The following PRAG1 variants were observed in gnomAD, a reference collection of about 807,000 sequenced individuals.
PRAG1 encodes PEAK1 related, kinase-activating pseudokinase 1.
In PRAG1, 110 loss-of-function variants were observed where a neutral mutation model predicts 95.6. The ratio of observed to expected loss-of-function variants is 1.15; its 90% CI spans 0.99 to 1.35. The LOEUF (loss-of-function observed/expected upper bound fraction) is 1.35, where lower values mean the gene tolerates loss of function less well. Among genes scored for constraint, PRAG1 ranks in the 40% most tolerant of loss-of-function variants. The probability of loss-of-function intolerance (pLI) is 0.00; values close to 1 mark genes in which losing one functional copy is unlikely to be tolerated. For missense variants in PRAG1, 2,554 were observed against 1,864.7 expected (o/e 1.37, Z -6.81); for synonymous variants, 1,052 against 819.4 (o/e 1.28, Z -4.85).
intron 3 of PRAG1, among the ~76,000 whole-genome samples, chr8:8,368,635 T>C (rs755052576): frequency 2.6e-5 from 4 of 152,176 alleles, no homozygotes; most frequent in Admixed American, 6.5e-5. Context: ...TTCCTACCAA[T>C]TGGTGAGTTT....
rs759841038 is a variant in PRAG1, at chr8:8,318,223, G to A, written c.4152C>T (p.Cys1384=). Residue 1384 remains cysteine (C), a synonymous_variant, in exon 6 of 6, where the codon TGC becomes TGT. Coordinates refer to ENST00000615670, the MANE Select transcript of PRAG1 (RefSeq NM_001080826.3). The surrounding 1 kb of genome is among the most constrained non-coding windows in gnomAD (Gnocchi z 4.2). ...RRGVELEDWL[C]CQYLASAEPG... ...GCTCCGCAGACGCCAGGTACTGGCA[G>A]CAAAGCCAGTCCTCCAGCTCCACGC... 6.2e-7 allele frequency: 1 copy of A among 1,614,064 alleles called. No homozygotes were observed. Among genetic ancestry groups the A allele is most frequent in the South Asian group, 1.1e-5 (1 of 91,092 alleles).
At chr8:8,333,874 G>A (rs1167701799) in intron 4 of PRAG1, among the ~76,000 whole-genome samples, 8 of 152,226 alleles carry the variant, frequency 5.3e-5, no homozygotes, top group Non-Finnish European at 1.2e-4. Flanking sequence ...CATACCCTGT[G>A]CCCTGGGGCC....
At chr8:8,325,169 T>C (rs1352611413) in intron 5 of PRAG1, among the ~76,000 whole-genome samples, 2 of 152,174 alleles carry the variant, frequency 1.3e-5, no homozygotes, top group Non-Finnish European at 2.9e-5. Flanking sequence ...TCGTCTAGAC[T>C]GGAGAGCTAA....
chr8:8,344,725 C>A (rs1415705967), intron 3 of PRAG1, among the ~76,000 whole-genome samples: 1 of 152,096 alleles, frequency 6.6e-6, no homozygotes, highest in African/African-American at 2.4e-5. Context: ...AATCACAGGG[C>A]CTGAATGAGG....
At chr8:8,354,303 C>G (rs555051526) in intron 3 of PRAG1, among the ~76,000 whole-genome samples, 1 of 151,900 alleles carries the variant, frequency 6.6e-6, no homozygotes, top group South Asian at 2.1e-4. Flanking sequence ...AAGAAAACCC[C>G]AGGACCAGAT....
At chr8:8,319,380 A>G in intron 5 of PRAG1, 78 bp from the exon 6 acceptor site, 4 of 1,248,508 alleles carry the variant, frequency 3.2e-6, no homozygotes, top group Non-Finnish European at 4.4e-6. Context: ...ACATTTGAGT[A>G]TCTACGTGCA....
intron 3 of PRAG1, among the ~76,000 whole-genome samples, chr8:8,346,400 T>G (rs1433771319): frequency 6.6e-6 from 1 of 152,228 alleles, no homozygotes; most frequent in East Asian, 1.9e-4. Flanking sequence ...CACTGTTGAT[T>G]ACATACAGTC....
intron 3 of PRAG1, among the ~76,000 whole-genome samples, chr8:8,343,483 C>G (rs115395405): frequency 0.012 from 1,853 of 151,898 alleles, 38 homozygotes; most frequent in African/African-American, 0.042. Flanking sequence ...TTTAACAAAA[C>G]AGAACAGAAC....
chr8:8,333,381 A>G (rs997317065), intron 4 of PRAG1, among the ~76,000 whole-genome samples: 1 of 152,216 alleles, frequency 6.6e-6, no homozygotes, highest in Non-Finnish European at 1.5e-5. Flanking sequence ...CAGGGAAGAG[A>G]AAGCATTTCT....
At chr8:8,366,030 C>T (rs925754983) in intron 3 of PRAG1, among the ~76,000 whole-genome samples, 3 of 151,740 alleles carry the variant, frequency 2.0e-5, no homozygotes, top group African/African-American at 4.8e-5. Context: ...AAACACATTG[C>T]TTAATAAGAT....
chr8:8,379,087 G>A (rs1187587219), intron 2 of PRAG1, among the ~76,000 whole-genome samples: 1 of 151,936 alleles, frequency 6.6e-6, no homozygotes, highest in Non-Finnish European at 1.5e-5. Context: ...GGATCAGGGT[G>A]AGGGGTGGCT....
rs201868955 is a variant in PRAG1, at chr8:8,377,326, G to A, written c.1083C>T (p.Leu361=). 204 of 1,609,702 alleles carry A rather than the reference G, an allele frequency of 1.3e-4. 3 individuals are homozygous for A. The highest frequency in any genetic ancestry group is 8.1e-4 in the Admixed American group (48 of 59,296). ...SGASSPFVPH[L]ESDYCSLMKE... ...TCATGAGGGAGCAGTAATCACTCTC[G>A]AGGTGGGGGACGAAGGGGCTACTGG... The change falls in exon 3 of 6, where the codon CTC becomes CTT. Residue 361 remains leucine (L), a synonymous_variant. Transcript: ENST00000615670.
chr8:8,358,899 T>C (rs1799764397), intron 3 of PRAG1, among the ~76,000 whole-genome samples: 1 of 152,198 alleles, frequency 6.6e-6, no homozygotes, highest in Non-Finnish European at 1.5e-5. Flanking sequence ...AGGAAGTTGC[T>C]TACATAAAGG....
intron 5 of PRAG1, among the ~76,000 whole-genome samples, chr8:8,326,174 TA>T (rs1214555328): frequency 1.4e-5 from 2 of 143,434 alleles, no homozygotes; most frequent in African/African-American, 5.5e-5. Flanking sequence ...TAATTATAAA[TA>T]ATATATATTG....
Position 8,328,009 on chromosome 8 carries a change from C to A in PRAG1, c.2773G>T (p.Val925Leu), listed in dbSNP as rs775463387. The A allele has an allele frequency of 6.3e-7, 1 of 1,587,204 alleles. No individual in the cohort carries two copies. Among genetic ancestry groups the A allele is most frequent in the Non-Finnish European group, 8.6e-7 (1 of 1,165,618 alleles). ...APSASSSQLS[V>L]SSQASTGSTQ... ...CTCCCGGTGGAGGCTTGACTGGACA[C>A]GCTCAGCTGGGAGGATGAGGCGGAG... is the stretch of plus-strand genomic sequence containing the variant. The change falls in exon 5 of 6, where the codon GTG (valine) becomes TTG (leucine). Residue 925 changes from valine to leucine, a missense_variant. Val to Leu is a conservative substitution (Grantham distance 32, BLOSUM62 1). Coordinates refer to ENST00000615670, the MANE Select transcript of PRAG1 (RefSeq NM_001080826.3).
intron 5 of PRAG1, among the ~76,000 whole-genome samples, chr8:8,326,084 T>C (rs1415635519): frequency 6.7e-6 from 1 of 148,958 alleles, no homozygotes; most frequent in Non-Finnish European, 1.5e-5. Flanking sequence ...TGATACTGAA[T>C]AATATTATTC....
At chr8:8,383,086 A>G (rs1425022328) in intron 1 of PRAG1, among the ~76,000 whole-genome samples, 1 of 152,206 alleles carries the variant, frequency 6.6e-6, no homozygotes, top group Non-Finnish European at 1.5e-5. Context: ...CTTTCCTCCC[A>G]TAAGGATCTG....
rs766160293 is a variant in PRAG1 at position 8,328,479 on chromosome 8, A to C, written c.2321-18T>G. Reference sequence around the variant, plus strand: ...CGAGGGACCTGAAGAGGAGAGACAGAAACCATAAGACCAAGGCCAGTGCCA... The same window carrying C: ...CGAGGGACCTGAAGAGGAGAGACAGCAACCATAAGACCAAGGCCAGTGCCA... On this transcript the variant is annotated intron_variant, in intron 4 of 5. Coordinates refer to ENST00000615670, the MANE Select transcript of PRAG1 (RefSeq NM_001080826.3). 309 of 1,612,056 alleles carry C rather than the reference A, an allele frequency of 1.9e-4. No homozygotes were observed. Among genetic ancestry groups the C allele is most frequent in the Non-Finnish European group, 2.6e-4 (303 of 1,179,634 alleles).
intron 3 of PRAG1, among the ~76,000 whole-genome samples, chr8:8,372,550 C>T (rs1800244300): frequency 6.6e-6 from 1 of 152,214 alleles, no homozygotes. Flanking sequence ...GTATCCAGGC[C>T]TTGCCGTACC....
Sources: gnomAD v4.1 joint callset for allele counts (sites outside exome capture counted in the v4.1 genomes callset) on GRCh38, gnomAD v4.1.1 for gene constraint, Gnocchi (gnomAD v3.1) non-coding constraint, MANE v1.5 for transcripts, NCBI Gene and HGNC (gene_info 2026-07-23, HGNC 2026-07-21) for gene names.